PKP4: variants seen among roughly 807,000 people sequenced by gnomAD.
PKP4 encodes plakophilin 4.
A neutral mutation model predicts 145.1 loss-of-function variants in PKP4; 90 were observed. The observed-to-expected ratio is 0.62, with a 90% CI of 0.52 to 0.74. The LOEUF (loss-of-function observed/expected upper bound fraction) is 0.74, where lower values mean the gene tolerates loss of function less well. Among genes scored for constraint, PKP4 ranks in the 30% least tolerant of loss-of-function variants. PKP4 has a pLI of 0.00. For missense variants in PKP4, 1,340 were observed against 1,482.7 expected, an observed-to-expected ratio of 0.90 and a Z score of 1.58; for synonymous variants, 563 against 577.2, an observed-to-expected ratio of 0.98 and a Z score of 0.35.
chr2:158,514,006 T>A (rs563616335), intron 1 of PKP4, among the ~76,000 whole-genome samples: 1 of 152,344 alleles, frequency 6.6e-6, no homozygotes, highest in South Asian at 2.1e-4. Context: ...GATTTTATGC[T>A]TGTTTACTCT....
At chr2:158,523,865 T>G (rs1418850148) in intron 1 of PKP4, among the ~76,000 whole-genome samples, 1 of 140,534 alleles carries the variant, frequency 7.1e-6, no homozygotes, top group Non-Finnish European at 1.5e-5. Flanking sequence ...TGTGATCAAC[T>G]GGAAGAAAGG....
intron 11 of PKP4, among the ~76,000 whole-genome samples, chr2:158,645,562 G>A (rs1225715588): frequency 4.6e-5 from 7 of 152,164 alleles, no homozygotes; most frequent in African/African-American, 1.4e-4. Context: ...GAGGGCTGCA[G>A]TCCATCGTGT....
intron 4 of PKP4, among the ~76,000 whole-genome samples, chr2:158,605,363 A>G (rs1342732740): frequency 6.6e-6 from 1 of 152,170 alleles, no homozygotes; most frequent in Non-Finnish European, 1.5e-5. Flanking sequence ...TGAGGTGAAT[A>G]TTTTCATTTA....
chr2:158,619,580 C>T (rs1463083909), intron 4 of PKP4, among the ~76,000 whole-genome samples: 2 of 152,156 alleles, frequency 1.3e-5, no homozygotes, highest in Non-Finnish European at 2.9e-5. Flanking sequence ...TCAGCAGTCC[C>T]TAAGAAGTTT....
chr2:158,653,927 C>G (rs994773153), intron 11 of PKP4, among the ~76,000 whole-genome samples: 1 of 152,182 alleles, frequency 6.6e-6, no homozygotes, highest in Admixed American at 6.5e-5. Flanking sequence ...AAGCCCTAGA[C>G]AAAGTGGAGA....
intron 9 of PKP4, among the ~76,000 whole-genome samples, chr2:158,636,935 T>C (rs1398401021): frequency 6.6e-6 from 1 of 152,204 alleles, no homozygotes; most frequent in African/African-American, 2.4e-5. Flanking sequence ...CATAACCATT[T>C]AAAATATTTC....
rs561283545 is a variant in PKP4 at position 158,522,690 on chromosome 2, G to T, written c.-5-10490G>T. Among the ~76,000 whole-genome samples the T allele has an allele frequency of 2.8e-4, 42 of 152,340 alleles. No individual in the cohort carries two copies. In the South Asian group the frequency reaches 6.0e-3, roughly 22 times the overall value. On this transcript the variant is annotated intron_variant, in intron 1 of 21. Coordinates refer to ENST00000389759, the MANE Select transcript of PKP4 (RefSeq NM_003628.6). ...TCCCAGCGTGAGCGACGCAGAAGACGGGTGATTTCTGCATTTCCATCTGAG... is the reference window on the plus strand; with the variant it reads ...TCCCAGCGTGAGCGACGCAGAAGACTGGTGATTTCTGCATTTCCATCTGAG...
chr2:158,473,159 C>G (rs1409195751), intron 1 of PKP4, among the ~76,000 whole-genome samples: 1 of 152,196 alleles, frequency 6.6e-6, no homozygotes, highest in Admixed American at 6.5e-5. Flanking sequence ...CAGTAAATAA[C>G]AGATGCTGGT....
chr2:158,643,944 T>G (rs1021177882), intron 11 of PKP4, among the ~76,000 whole-genome samples: 3 of 152,038 alleles, frequency 2.0e-5, no homozygotes, highest in Non-Finnish European at 4.4e-5. Context: ...TTTTGTATTT[T>G]TAGTAGAGAT....
intron 3 of PKP4, among the ~76,000 whole-genome samples, chr2:158,600,742 G>A (rs1168739839): frequency 1.3e-5 from 2 of 152,204 alleles, no homozygotes; most frequent in Non-Finnish European, 2.9e-5. Flanking sequence ...TTCTGTGAAA[G>A]TAGTTGGGCT....
At chr2:158,533,355 T>A (rs976422174) in intron 2 of PKP4, 39 bp downstream of exon 2, 29 of 1,606,716 alleles carry the variant, frequency 1.8e-5, no homozygotes, top group Non-Finnish European at 2.4e-5. Flanking sequence ...AATTATTTCT[T>A]TAATGCCTTT....
At chr2:158,581,643 G>A (rs1294557787) in intron 3 of PKP4, among the ~76,000 whole-genome samples, 7 of 152,164 alleles carry the variant, frequency 4.6e-5, no homozygotes, top group Non-Finnish European at 8.8e-5. Flanking sequence ...ATAGTGAGTA[G>A]TTCGGTTCCC....
rs756193364 is a variant in PKP4, at chr2:158,625,127, A to G, written c.853A>G (p.Ile285Val). 6.2e-7 allele frequency: 1 copy of G among 1,614,112 alleles called. No individual in the cohort carries two copies. The highest frequency in any genetic ancestry group is 8.5e-7 in the Non-Finnish European group (1 of 1,180,020). The change falls in exon 7 of 22, where the codon ATA becomes GTA. Residue 285 changes from isoleucine (I) to valine (V), a missense_variant. Coordinates refer to ENST00000389759, the MANE Select transcript of PKP4 (RefSeq NM_003628.6). ...YSQRPASPTA[I>V]RRIGSVTSRQ... ...ACAGAGACCCGCCTCCCCAACAGCT[A>G]TACGGCGGATTGGGTCAGTCACCTC...
chr2:158,599,164 A>C (rs758673989), intron 3 of PKP4, among the ~76,000 whole-genome samples: 1 of 152,224 alleles, frequency 6.6e-6, no homozygotes, highest in African/African-American at 2.4e-5. Flanking sequence ...AAAAAATCGC[A>C]GTAGTAGCAG....
intron 2 of PKP4, among the ~76,000 whole-genome samples, chr2:158,535,596 T>C (rs2043965755): frequency 1.3e-5 from 2 of 152,096 alleles, no homozygotes; most frequent in African/African-American, 4.8e-5. Flanking sequence ...TTTAATATTT[T>C]TTTGTAGAGA....
At chr2:158,628,005 G>A (rs929614445) in intron 7 of PKP4, among the ~76,000 whole-genome samples, 9 of 149,476 alleles carry the variant, frequency 6.0e-5, no homozygotes, top group African/African-American at 2.0e-4. Flanking sequence ...TTTTTGAGAC[G>A]GAGTTTCGCT....
chr2:158,658,322 C>G lies in PKP4; in HGVS notation c.2093+8C>G. ...CACGACAGGTTGCCTAAGGTAAATT[C>G]TTTATTTCTTCTTTCCAGTTAATTC... On this transcript the variant is annotated splice_region_variant and intron_variant, in intron 12 of 21. Transcript: ENST00000389759. 6.5e-7 allele frequency: 1 copy of G among 1,533,330 alleles called. No individual in the cohort carries two copies. The allele number at this position is 1,533,330 out of a possible 1,614,324, so 95.0% of individuals were successfully genotyped here. A position where few individuals can be genotyped will look rare whatever the true frequency, so the allele number is the denominator to read the frequency against.
At chr2:158,504,894 T>A (rs1465046893) in intron 1 of PKP4, among the ~76,000 whole-genome samples, 1 of 152,214 alleles carries the variant, frequency 6.6e-6, no homozygotes, top group Non-Finnish European at 1.5e-5. Flanking sequence ...TGATGTTTTG[T>A]CTGTTTTTGA....
At chr2:158,544,661 A>C (rs2044820251) in intron 2 of PKP4, among the ~76,000 whole-genome samples, 1 of 152,180 alleles carries the variant, frequency 6.6e-6, no homozygotes, top group South Asian at 2.1e-4. Flanking sequence ...TGAACATCCC[A>C]CCAGGAGCCA....
Sources: gnomAD v4.1 joint callset for allele counts (sites outside exome capture counted in the v4.1 genomes callset) on GRCh38, gnomAD v4.1.1 for gene constraint, MANE v1.5 for transcripts, NCBI Gene and HGNC (gene_info 2026-07-23, HGNC 2026-07-21) for gene names.